Variants in C8orf34 observed in about 807,000 individuals in gnomAD.
C8orf34 encodes the protein uncharacterized protein C8orf34.
In C8orf34, 65 loss-of-function variants were observed where a neutral mutation model predicts 68.3. The observed-to-expected ratio is 0.95, with a 90% CI of 0.78 to 1.17. C8orf34 has a LOEUF of 1.17. C8orf34 is among the 50% of genes most tolerant of loss of function. The pLI, the probability that C8orf34 is intolerant of heterozygous loss-of-function variation, is 0.00. For missense variants in C8orf34, 664 were observed against 655.4 expected (o/e 1.01, Z -0.14); for synonymous variants, 244 against 241.2 (o/e 1.01, Z -0.11).
At chr8:68,594,028 A>T (rs1172628102) in intron 7 of C8orf34, among the ~76,000 whole-genome samples, 2 of 152,124 alleles carry the variant, frequency 1.3e-5, no homozygotes, top group Admixed American at 1.3e-4. Context: ...GTGTACAGAC[A>T]GAAGTTTTTT....
At chr8:68,495,384 A>G (rs1813483818) in intron 5 of C8orf34, among the ~76,000 whole-genome samples, 2 of 152,148 alleles carry the variant, frequency 1.3e-5, no homozygotes, top group African/African-American at 4.8e-5. Flanking sequence ...AAACATAGTT[A>G]ACATTTATTG....
intron 7 of C8orf34, among the ~76,000 whole-genome samples, chr8:68,569,023 G>A (rs1461511422): frequency 2.0e-5 from 3 of 152,140 alleles, no homozygotes; most frequent in Admixed American, 2.0e-4. Flanking sequence ...GCTTTTGTTT[G>A]TCAACTCCCG....
intron 1 of C8orf34, among the ~76,000 whole-genome samples, chr8:68,389,485 G>A (rs1808393307): frequency 1.3e-5 from 2 of 152,146 alleles, no homozygotes; most frequent in Admixed American, 1.3e-4. Flanking sequence ...TAGATGATTG[G>A]AAGGCATTGC....
chr8:68,394,462 C>G (rs888436251), intron 1 of C8orf34, among the ~76,000 whole-genome samples: 6 of 151,796 alleles, frequency 4.0e-5, no homozygotes, highest in Admixed American at 3.9e-4. Flanking sequence ...TGTATATGTG[C>G]CACATTTTCT....
At chr8:68,542,891 GC>G (rs1182349646) in intron 7 of C8orf34, among the ~76,000 whole-genome samples, 1 of 152,018 alleles carries the variant, frequency 6.6e-6, no homozygotes, top group African/African-American at 2.4e-5. Flanking sequence ...TTTAGAAAAT[GC>G]CATTTTGTTT....
intron 1 of C8orf34, among the ~76,000 whole-genome samples, chr8:68,377,924 G>A (rs530963232): frequency 1.7e-3 from 252 of 152,242 alleles, no homozygotes; most frequent in African/African-American, 5.9e-3. Flanking sequence ...AGTGCAAGCA[G>A]GGGAAATGCC....
At chr8:68,762,794 C>A (rs1467010068) in intron 10 of C8orf34, among the ~76,000 whole-genome samples, 1 of 152,192 alleles carries the variant, frequency 6.6e-6, no homozygotes, top group Non-Finnish European at 1.5e-5. Flanking sequence ...ACATTATATT[C>A]ACTTTTTGGA....
chr8:68,620,147 G>A (rs1168903424), intron 7 of C8orf34, among the ~76,000 whole-genome samples: 1 of 152,192 alleles, frequency 6.6e-6, no homozygotes, highest in Non-Finnish European at 1.5e-5. Flanking sequence ...GCCAGATGGG[G>A]TAGGGATAGC....
chr8:68,516,861 C>T lies in C8orf34; in HGVS notation c.766-4938C>T, dbSNP rs147425074. Among the ~76,000 whole-genome samples the T allele has an allele frequency of 4.6e-3, 705 of 151,978 alleles. 8 individuals carry two copies. The highest frequency in any genetic ancestry group is 0.016 in the African/African-American group (682 of 41,454). ...TTCACAATGTTGGTCAGGCTGGTCTCGAACTCCTGACCTTGTCATCTGCCC... is the reference window on the plus strand; with the variant it reads ...TTCACAATGTTGGTCAGGCTGGTCTTGAACTCCTGACCTTGTCATCTGCCC... On this transcript the variant is annotated intron_variant, in intron 5 of 13. Coordinates refer to ENST00000518698, the MANE Select transcript of C8orf34 (RefSeq NM_052958.4).
Position 68,389,933 on chromosome 8 carries a change from CT to C in C8orf34, c.328-49565del, listed in dbSNP as rs1418871960. 2.6e-5 allele frequency among the ~76,000 whole-genome samples: 4 copies of C among 152,058 alleles called. No individual in the cohort carries two copies. In the East Asian group the frequency reaches 7.8e-4, roughly 30 times the overall value. On this transcript the variant is annotated intron_variant, in intron 1 of 13. Coordinates refer to ENST00000518698, the MANE Select transcript of C8orf34 (RefSeq NM_052958.4). ...TAACGATGACCACTTTTCTTTTGACCTCTTTTCTAAGGTGTTATGTATTAAG... is the reference window on the plus strand; with the variant it reads ...TAACGATGACCACTTTTCTTTTGACCCTTTTCTAAGGTGTTATGTATTAAG...
At chr8:68,567,744 G>T (rs1268700435) in intron 7 of C8orf34, among the ~76,000 whole-genome samples, 11 of 142,750 alleles carry the variant, frequency 7.7e-5, no homozygotes, top group Admixed American at 1.4e-4. Flanking sequence ...TTTTTTTTTT[G>T]GTTTCAATTT....
intron 1 of C8orf34, among the ~76,000 whole-genome samples, chr8:68,373,086 C>A (rs1161127762): frequency 6.6e-6 from 1 of 152,194 alleles, no homozygotes; most frequent in Non-Finnish European, 1.5e-5. Flanking sequence ...ACCTCCACCT[C>A]CTGCATTCAA....
At chr8:68,577,055 G>A (rs1586398491) in intron 7 of C8orf34, among the ~76,000 whole-genome samples, 2 of 151,988 alleles carry the variant, frequency 1.3e-5, no homozygotes, top group South Asian at 4.1e-4. Context: ...CCTCCTCAAA[G>A]TGTGCTTTTT....
chr8:68,424,913 A>ATAT (rs1468139121), intron 1 of C8orf34, among the ~76,000 whole-genome samples: 1 of 152,052 alleles, frequency 6.6e-6, no homozygotes, highest in Non-Finnish European at 1.5e-5. Flanking sequence ...AATAATAATA[A>ATAT]TAATAATTAT....
chr8:68,438,650 A>G (rs1810766218), intron 1 of C8orf34: 1 of 152,208 alleles, frequency 6.6e-6, no homozygotes, highest in Non-Finnish European at 1.5e-5. Flanking sequence ...AATGGTGCAC[A>G]TAAGTTCACA....
intron 12 of C8orf34, among the ~76,000 whole-genome samples, chr8:68,813,965 C>G (rs998927260): frequency 6.6e-6 from 1 of 152,182 alleles, no homozygotes; most frequent in African/African-American, 2.4e-5. Context: ...TAGCATCCAA[C>G]TCTAAAGTCT....
chr8:68,391,468 G>A (rs1032722360), intron 1 of C8orf34, among the ~76,000 whole-genome samples: 5 of 152,168 alleles, frequency 3.3e-5, no homozygotes, highest in African/African-American at 1.2e-4. Context: ...AACATGCTCA[G>A]AGAAGCTGTA....
chr8:68,459,142 T>A (rs1296577686), intron 3 of C8orf34, among the ~76,000 whole-genome samples: 8 of 152,342 alleles, frequency 5.3e-5, no homozygotes, highest in Admixed American at 2.6e-4. Context: ...TATTTTTAAA[T>A]GCATTGTCTG....
At chr8:68,698,175 T>C (rs1266120518) in intron 8 of C8orf34, among the ~76,000 whole-genome samples, 1 of 152,088 alleles carries the variant, frequency 6.6e-6, no homozygotes, top group Non-Finnish European at 1.5e-5. Flanking sequence ...ACTGGTGACA[T>C]CCCAATTGCC....
Sources: gnomAD v4.1 joint callset for allele counts (sites outside exome capture counted in the v4.1 genomes callset) on GRCh38, gnomAD v4.1.1 for gene constraint, MANE v1.5 for transcripts, NCBI Gene and HGNC (gene_info 2026-07-23, HGNC 2026-07-21) for gene names.